Variants in GOPC observed in about 807,000 individuals in gnomAD.
GOPC encodes the protein Golgi-associated PDZ and coiled-coil motif-containing protein.
A neutral mutation model predicts 51.2 loss-of-function variants in GOPC; 32 were observed. The ratio of observed to expected loss-of-function variants is 0.63; its 90% CI spans 0.47 to 0.84. The LOEUF (loss-of-function observed/expected upper bound fraction) is 0.84, where lower values mean the gene tolerates loss of function less well. Ranked by LOEUF, GOPC falls within the 40% of genes least tolerant of loss-of-function variation. GOPC has a pLI of 0.00. For synonymous variants in GOPC, 190 were observed against 205.1 expected, an observed-to-expected ratio of 0.93 and a Z score of 0.63; for missense variants, 441 against 555.5, an observed-to-expected ratio of 0.79 and a Z score of 2.07.
intron 2 of GOPC, among the ~76,000 whole-genome samples, chr6:117,578,448 TG>T (rs1212536794): frequency 2.0e-5 from 3 of 152,044 alleles, no homozygotes; most frequent in African/African-American, 7.2e-5. Context: ...CAGAGCACAG[TG>T]ATGGAAGGAA....
Position 117,561,174 on chromosome 6 carries a change from T to G in GOPC, c.*2080A>C, listed in dbSNP as rs1232829535. 1 of 223,604 alleles carries G rather than the reference T, an allele frequency of 4.5e-6. No individual in the cohort carries two copies. Among genetic ancestry groups the G allele is most frequent in the Non-Finnish European group, 8.9e-6 (1 of 112,162 alleles). 13.9% of individuals were successfully genotyped at this position (223,604 alleles called of 1,614,324 possible). A position where few individuals can be genotyped will look rare whatever the true frequency, so the allele number is the denominator to read the frequency against. ...ACTACCTGGAAACTTTTCATTCTAT[T>G]TATCAGTCCTTAAAAGGAATTTATA... On this transcript the variant is annotated 3_prime_UTR_variant, in exon 9 of 9. Coordinates refer to ENST00000368498, the MANE Select transcript of GOPC (RefSeq NM_020399.4).
In GOPC at chr6:117,561,760, T is replaced by C. The variant is rs1779588401; in HGVS notation, c.*1494A>G. ...CTTCCATTACAAATTAACATGGTGA[T>C]ATACAGATGAACACCACCACCCAAA... On this transcript the variant is annotated 3_prime_UTR_variant, in exon 9 of 9. Coordinates refer to ENST00000368498, the MANE Select transcript of GOPC (RefSeq NM_020399.4). 4.8e-6 allele frequency: 1 copy of C among 206,618 alleles called. No homozygotes were observed. The highest frequency in any genetic ancestry group is 1.9e-4 in the South Asian group (1 of 5,272). The allele number at this position is 206,618 out of a possible 1,614,324, so 12.8% of individuals were successfully genotyped here.
chr6:117,574,691 G>C (rs192124119), intron 4 of GOPC, among the ~76,000 whole-genome samples: 1 of 152,264 alleles, frequency 6.6e-6, no homozygotes, highest in South Asian at 2.1e-4. Flanking sequence ...CTAGATCTGC[G>C]ATACATAATG....
intron 1 of GOPC, among the ~76,000 whole-genome samples, chr6:117,586,475 CTTT>C (rs869148559): frequency 3.8e-3 from 353 of 91,942 alleles, no homozygotes; most frequent in Non-Finnish European, 5.1e-3. Context: ...CACAGAGATT[CTTT>C]TTTTTTTTTT....
chr6:117,573,068 T>A (rs1301087924), intron 5 of GOPC, among the ~76,000 whole-genome samples: 1 of 152,206 alleles, frequency 6.6e-6, no homozygotes, highest in African/African-American at 2.4e-5. Context: ...AGAATCTACA[T>A]TTGGATTCAG....
chr6:117,584,102 A>C (rs1779997236), intron 1 of GOPC, among the ~76,000 whole-genome samples: 1 of 152,220 alleles, frequency 6.6e-6, no homozygotes, highest in Admixed American at 6.5e-5. Flanking sequence ...TTTATCAGAA[A>C]GGTTTCTTTG....
At chr6:117,574,948 A>G (rs1233767135) in intron 4 of GOPC, among the ~76,000 whole-genome samples, 1 of 152,048 alleles carries the variant, frequency 6.6e-6, no homozygotes, top group Non-Finnish European at 1.5e-5. Flanking sequence ...CCGTGGTGGC[A>G]GGCACCTGTA....
At chr6:117,590,087 C>G (rs1203445936) in intron 1 of GOPC, among the ~76,000 whole-genome samples, 2 of 152,170 alleles carry the variant, frequency 1.3e-5, no homozygotes, top group African/African-American at 4.8e-5. Context: ...AGATACCATC[C>G]TAGCTCTCAT....
intron 1 of GOPC, among the ~76,000 whole-genome samples, chr6:117,601,240 T>C (rs954279012): frequency 6.6e-6 from 1 of 152,218 alleles, no homozygotes; most frequent in African/African-American, 2.4e-5. Context: ...CTGCACAATA[T>C]GATATTTTTG....
intron 1 of GOPC, among the ~76,000 whole-genome samples, chr6:117,585,748 AC>A (rs1780021399): frequency 6.6e-6 from 1 of 152,198 alleles, no homozygotes; most frequent in Non-Finnish European, 1.5e-5. Flanking sequence ...CCCCATACAC[AC>A]ACCCCATACC....
intron 1 of GOPC, among the ~76,000 whole-genome samples, chr6:117,581,743 C>T (rs186265359): frequency 4.6e-5 from 7 of 152,308 alleles, no homozygotes; most frequent in Non-Finnish European, 7.4e-5. Flanking sequence ...CAACTTAATT[C>T]TACTTCTCAT....
intron 8 of GOPC, among the ~76,000 whole-genome samples, chr6:117,563,768 T>C (rs1424532124): frequency 6.6e-6 from 1 of 151,804 alleles, no homozygotes; most frequent in African/African-American, 2.4e-5. Flanking sequence ...TATAAGTTTA[T>C]TGAGTGAAAA....
In GOPC at chr6:117,602,172, C is replaced by T; in HGVS notation, c.117G>A (p.Lys39=). The T allele has an allele frequency of 6.2e-7, 1 of 1,613,632 alleles. No individual in the cohort carries two copies. Among genetic ancestry groups the T allele is most frequent in the African/African-American group, 1.3e-5 (1 of 75,054 alleles). Residue 39 remains lysine (K), a synonymous_variant, in exon 1 of 9, where the codon AAG becomes AAA. Coordinates refer to ENST00000368498, the MANE Select transcript of GOPC (RefSeq NM_020399.4). ...CATCCACAAAAGCTTTGTCGAACTC[C>T]TTCTCCAGCACCTCCAGCCACCGGA... ...SMFRWLEVLE[K]EFDKAFVDVD... is the part of the protein sequence containing the mutation.
intron 1 of GOPC, among the ~76,000 whole-genome samples, chr6:117,596,639 T>TG (rs1780202019): frequency 6.6e-6 from 1 of 152,248 alleles, no homozygotes. Flanking sequence ...CACCATTTGT[T>TG]GAATAGGGTG....
At position 117,575,274 on chromosome 6, in the gene GOPC, C is replaced by T; in HGVS notation, c.553G>A (p.Glu185Lys). The T allele has an allele frequency of 6.2e-7, 1 of 1,613,756 alleles. No homozygotes were observed. The highest frequency in any genetic ancestry group is 8.5e-7 in the Non-Finnish European group (1 of 1,179,802). Residue 185 changes from glutamate to lysine, a missense_variant, in exon 4 of 9, where the codon GAG (glutamate) becomes AAG (lysine). Physicochemically the swap from Glu to Lys is moderately conservative, Grantham distance 56. Transcript: ENST00000368498. ...ATATGTCTACGAAGGGCTTCATTCT[C>T]TTTTCTCAACAATTTCACTTCAGCT... ...LEAEVKLLRK[E>K]NEALRRHIAV...
At chr6:117,577,289 T>TG (rs1779896765) in intron 3 of GOPC, among the ~76,000 whole-genome samples, 159 bp downstream of exon 3, 1 of 151,968 alleles carries the variant, frequency 6.6e-6, no homozygotes, top group African/African-American at 2.4e-5. Flanking sequence ...AAAAGAGCAA[T>TG]GGGCCATCCA....
chr6:117,593,879 ACCT>A lies in GOPC; in HGVS notation c.285+8122_285+8124del, dbSNP rs1309570495. On this transcript the variant is annotated intron_variant, in intron 1 of 8. Transcript: ENST00000368498. ...CCATCTCTAGGTTTTTTTTATTTTT[ACCT>A]CTCCAGTTTCTCTTGTTCTGAATAC... Among the ~76,000 whole-genome samples, 5 of 151,606 alleles carry A rather than the reference ACCT, an allele frequency of 3.3e-5. No individual in the cohort carries two copies. In the East Asian group the frequency reaches 9.7e-4, roughly 29 times the overall value.
intron 1 of GOPC, among the ~76,000 whole-genome samples, chr6:117,601,012 G>A (rs1771996361): frequency 6.6e-6 from 1 of 152,186 alleles, no homozygotes; most frequent in African/African-American, 2.4e-5. Flanking sequence ...TATTGATATA[G>A]ATATAATGGG....
intron 1 of GOPC, among the ~76,000 whole-genome samples, chr6:117,594,297 G>A (rs1326983281): frequency 2.0e-5 from 3 of 152,124 alleles, no homozygotes; most frequent in Admixed American, 2.0e-4. Context: ...AATGTTGAAT[G>A]GCATTCCTAT....
Sources: gnomAD v4.1 joint callset for allele counts (sites outside exome capture counted in the v4.1 genomes callset) on GRCh38, gnomAD v4.1.1 for gene constraint, MANE v1.5 for transcripts, NCBI Gene and HGNC (gene_info 2026-07-23, HGNC 2026-07-21) for gene names.